Variants in ADAMTS17 observed in about 807,000 individuals in gnomAD.
The protein encoded by ADAMTS17 is ADAM metallopeptidase with thrombospondin type 1 motif 17, also known as A disintegrin and metalloproteinase with thrombospondin motifs 17.
A neutral mutation model predicts 141.5 loss-of-function variants in ADAMTS17; 113 were observed. The ratio of observed to expected loss-of-function variants is 0.80; its 90% CI spans 0.69 to 0.93. The LOEUF (loss-of-function observed/expected upper bound fraction) is 0.93, where lower values mean the gene tolerates loss of function less well. Ranked by LOEUF, ADAMTS17 falls within the 40% of genes least tolerant of loss-of-function variation. The probability of loss-of-function intolerance (pLI) is 0.00; values close to 1 mark genes in which losing one functional copy is unlikely to be tolerated. For missense variants in ADAMTS17, 1,659 were observed against 1,517.9 expected (o/e 1.09, Z -1.54); for synonymous variants, 768 against 630.6 (o/e 1.22, Z -3.27).
intron 4 of ADAMTS17, among the ~76,000 whole-genome samples, chr15:100,263,618 C>T (rs930768641): frequency 1.3e-5 from 2 of 152,134 alleles, no homozygotes; most frequent in African/African-American, 4.8e-5. Flanking sequence ...AGCTGACGAG[C>T]CCCAGGTCAT....
At chr15:100,000,505 A>C (rs575620164) in intron 18 of ADAMTS17, among the ~76,000 whole-genome samples, 2 of 152,238 alleles carry the variant, frequency 1.3e-5, no homozygotes, top group East Asian at 3.9e-4. Context: ...CATACTAAAA[A>C]ACAGCCACTA....
At position 100,154,295 on chromosome 15, in the gene ADAMTS17, T is replaced by C. The variant is rs771152849; in HGVS notation, c.1322+885A>G. 3.3e-5 allele frequency among the ~76,000 whole-genome samples: 5 copies of C among 152,302 alleles called. No homozygotes were observed. In the South Asian group the frequency reaches 6.2e-4, roughly 19 times the overall value. On this transcript the variant is annotated intron_variant, in intron 9 of 21. Transcript: ENST00000268070. ...AAGATCTGTGGTATCAAATACTCAG[T>C]GGGAAGTAGACTACATTAAAAGTAA...
At chr15:100,280,996 G>C (rs1302826978) in intron 4 of ADAMTS17, among the ~76,000 whole-genome samples, 2 of 152,200 alleles carry the variant, frequency 1.3e-5, no homozygotes, top group African/African-American at 4.8e-5. Context: ...TCACTGAGCA[G>C]ATCTGGGCAC....
intron 3 of ADAMTS17, among the ~76,000 whole-genome samples, chr15:100,301,212 T>C (rs1426688690): frequency 2.0e-5 from 3 of 152,212 alleles, no homozygotes; most frequent in Admixed American, 6.5e-5. Context: ...TTCTAAGTCC[T>C]TGTATTTCAA....
intron 15 of ADAMTS17, among the ~76,000 whole-genome samples, chr15:100,062,958 A>G (rs1370035010): frequency 2.0e-5 from 3 of 152,170 alleles, no homozygotes; most frequent in Non-Finnish European, 2.9e-5. Context: ...TCTGTGTCCA[A>G]CTGAGAACTC....
intron 2 of ADAMTS17, among the ~76,000 whole-genome samples, chr15:100,336,108 T>C (rs1157106583): frequency 6.6e-6 from 1 of 152,240 alleles, no homozygotes; most frequent in East Asian, 1.9e-4. Flanking sequence ...TTACTTCTTT[T>C]TCGTTTGTTT....
At chr15:100,323,365 G>T (rs1007802789) in intron 3 of ADAMTS17, among the ~76,000 whole-genome samples, 14 of 152,134 alleles carry the variant, frequency 9.2e-5, no homozygotes, top group African/African-American at 3.4e-4. Context: ...CAGTAAACTT[G>T]TGTCTAAATT....
rs2141995385 is a variant in ADAMTS17, at chr15:100,261,613, A to G, written c.897T>C (p.His299=). Residue 299 remains histidine, a synonymous_variant, in exon 6 of 22, where the codon CAT becomes CAC. Transcript: ENST00000268070. ...QRPAKLSIGH[H]GERSLESFCH... is the part of the protein sequence containing the mutation. ...AGAAGCTCTCCAGGGACCGCTCACCATGGTGCCCAATGGACAACTTAGCCT... is the reference window on the plus strand; with the variant it reads ...AGAAGCTCTCCAGGGACCGCTCACCGTGGTGCCCAATGGACAACTTAGCCT... The G allele has an allele frequency of 6.2e-7, 1 of 1,613,614 alleles. No homozygotes were observed. The highest frequency in any genetic ancestry group is 1.3e-5 in the African/African-American group (1 of 75,000).
chr15:100,202,967 C>T (rs561223008), intron 7 of ADAMTS17, among the ~76,000 whole-genome samples: 1 of 150,984 alleles, frequency 6.6e-6, no homozygotes, highest in African/African-American at 2.5e-5. Flanking sequence ...CCACAGATCA[C>T]AGAACTTATT....
intron 18 of ADAMTS17, among the ~76,000 whole-genome samples, chr15:100,010,575 C>A (rs2061144713): frequency 6.6e-6 from 1 of 152,352 alleles, no homozygotes; most frequent in African/African-American, 2.4e-5. Context: ...CCAGGCCCTT[C>A]CCAAAAAAGA....
intron 7 of ADAMTS17, among the ~76,000 whole-genome samples, chr15:100,238,081 T>G (rs2042713527): frequency 6.6e-6 from 1 of 152,218 alleles, no homozygotes; most frequent in Non-Finnish European, 1.5e-5. Flanking sequence ...CCACTCACCC[T>G]GCTGTCCATG....
intron 14 of ADAMTS17, among the ~76,000 whole-genome samples, chr15:100,103,242 A>G (rs1439727680): frequency 6.6e-6 from 1 of 152,232 alleles, no homozygotes; most frequent in African/African-American, 2.4e-5. Flanking sequence ...TGGCACCCAC[A>G]GTAACACACG....
rs1166010625 is a variant in ADAMTS17, at chr15:99,993,650, G to C, written c.2797-450C>G. 6.6e-6 allele frequency among the ~76,000 whole-genome samples: 1 copy of C among 152,206 alleles called. No homozygotes were observed. The highest frequency in any genetic ancestry group is 6.5e-5 in the Admixed American group (1 of 15,284). ...GCTGGCCTCCAGGTGCACATGCTGT[G>C]CTTGGACCAGCCTGGGACAAACTCC... On this transcript the variant is annotated intron_variant, in intron 19 of 21. Coordinates refer to ENST00000268070, the MANE Select transcript of ADAMTS17 (RefSeq NM_139057.4). The surrounding 1 kb of genome is among the most constrained non-coding windows in gnomAD (Gnocchi z 4.3).
chr15:100,229,533 C>G (rs903299719), intron 7 of ADAMTS17, among the ~76,000 whole-genome samples: 1 of 152,178 alleles, frequency 6.6e-6, no homozygotes, highest in African/African-American at 2.4e-5. Flanking sequence ...GAAGTCTTCT[C>G]TCTGGACTGA....
At chr15:100,082,226 C>T (rs1266419614) in intron 15 of ADAMTS17, among the ~76,000 whole-genome samples, 1 of 152,076 alleles carries the variant, frequency 6.6e-6, no homozygotes, top group Admixed American at 6.6e-5. Context: ...CCACCACGCC[C>T]AGCTAATTTT....
chr15:100,225,875 T>C (rs1218057955), intron 7 of ADAMTS17, among the ~76,000 whole-genome samples: 20 of 146,772 alleles, frequency 1.4e-4, no homozygotes, highest in East Asian at 2.1e-4. Flanking sequence ...CTCTGCGCCA[T>C]TCAGTCCTTA....
chr15:100,164,425 A>G (rs1343784316), intron 8 of ADAMTS17, among the ~76,000 whole-genome samples: 3 of 152,100 alleles, frequency 2.0e-5, no homozygotes, highest in South Asian at 4.1e-4. Context: ...GTATTTGTTG[A>G]ACGCCTTCTG....
intron 14 of ADAMTS17, among the ~76,000 whole-genome samples, chr15:100,100,902 A>C (rs1239421614): frequency 1.3e-5 from 2 of 150,112 alleles, no homozygotes; most frequent in Non-Finnish European, 3.0e-5. Flanking sequence ...ATGCACAGTG[A>C]ATCCAACCCC....
At chr15:100,114,815 A>G (rs531493773) in intron 13 of ADAMTS17, among the ~76,000 whole-genome samples, 1 of 152,338 alleles carries the variant, frequency 6.6e-6, no homozygotes, top group Non-Finnish European at 1.5e-5. Context: ...TCAAGTCCCA[A>G]CCACTGTGGT....
Sources: gnomAD v4.1 joint callset for allele counts (sites outside exome capture counted in the v4.1 genomes callset) on GRCh38, gnomAD v4.1.1 for gene constraint, Gnocchi (gnomAD v3.1) non-coding constraint, MANE v1.5 for transcripts, NCBI Gene and HGNC (gene_info 2026-07-23, HGNC 2026-07-21) for gene names.